Variants in PRR5L observed in about 807,000 individuals in gnomAD.
The protein encoded by PRR5L is proline-rich protein 5-like.
Under a neutral mutation model 36.4 loss-of-function variants are expected in PRR5L, and 21 were observed. That is an observed-to-expected ratio of 0.58 (90% CI 0.41 to 0.83). The LOEUF (loss-of-function observed/expected upper bound fraction) is 0.83. PRR5L is among the 40% of genes least tolerant of loss of function. The pLI is 0.00. For synonymous variants in PRR5L, 188 were observed against 197.0 expected, an observed-to-expected ratio of 0.95 and a Z score of 0.38; for missense variants, 381 against 473.3, an observed-to-expected ratio of 0.80 and a Z score of 1.81.
At chr11:36,438,505 C>G (rs532514440) in intron 6 of PRR5L, among the ~76,000 whole-genome samples, 1 of 152,142 alleles carries the variant, frequency 6.6e-6, no homozygotes, top group Non-Finnish European at 1.5e-5. Context: ...CCATGTTAGA[C>G]CCACCCCATA....
At chr11:36,372,883 T>C (rs939324608) in intron 1 of PRR5L, among the ~76,000 whole-genome samples, 2 of 152,188 alleles carry the variant, frequency 1.3e-5, no homozygotes, top group African/African-American at 2.4e-5. Context: ...CAATCTAATA[T>C]AGAACATTTA....
intron 1 of PRR5L, among the ~76,000 whole-genome samples, chr11:36,326,325 A>ACACACACG (rs1554984639): frequency 2.0e-4 from 31 of 151,924 alleles, no homozygotes; most frequent in Admixed American, 9.8e-4. Context: ...ACACACACAC[A>ACACACACG]CACACACACA....
chr11:36,416,652 C>T (rs1018431800), intron 3 of PRR5L, among the ~76,000 whole-genome samples: 1 of 152,168 alleles, frequency 6.6e-6, no homozygotes, highest in Admixed American at 6.5e-5. Flanking sequence ...GCATTGTCTG[C>T]TCTTTAGCTT....
intron 1 of PRR5L, among the ~76,000 whole-genome samples, chr11:36,395,164 C>T (rs1309882892): frequency 7.9e-5 from 12 of 152,162 alleles, no homozygotes; most frequent in Middle Eastern, 3.2e-3. Context: ...TCATTCTTTA[C>T]AGTAACCACA....
At chr11:36,441,856 T>G (rs1357073224) in intron 6 of PRR5L, among the ~76,000 whole-genome samples, 4 of 152,160 alleles carry the variant, frequency 2.6e-5, no homozygotes, top group Admixed American at 6.5e-5. Context: ...CCACCAAGGC[T>G]TATAGCTTGC....
chr11:36,448,012 G>A (rs978204384), intron 7 of PRR5L, among the ~76,000 whole-genome samples: 1 of 152,092 alleles, frequency 6.6e-6, no homozygotes, highest in African/African-American at 2.4e-5. Flanking sequence ...ATAGTTTAGG[G>A]CTGAGAAGCG....
chr11:36,418,385 G>A (rs1015670482), intron 3 of PRR5L, among the ~76,000 whole-genome samples: 3 of 152,162 alleles, frequency 2.0e-5, no homozygotes, highest in Non-Finnish European at 2.9e-5. Flanking sequence ...GAGAGACAGG[G>A]TGGAGTTATG....
chr11:36,440,595 C>T (rs1858700503), intron 6 of PRR5L, among the ~76,000 whole-genome samples: 1 of 151,988 alleles, frequency 6.6e-6, no homozygotes, highest in South Asian at 2.1e-4. Flanking sequence ...GGGAGCAGCG[C>T]CAAAGAGGAA....
intron 6 of PRR5L, among the ~76,000 whole-genome samples, chr11:36,439,408 A>G (rs331478): frequency 0.87 from 132,494 of 152,112 alleles, 57,808 homozygotes; most frequent in East Asian, 0.94. Flanking sequence ...GCTCTGTTTC[A>G]GTTCTCTTGG....
In PRR5L at chr11:36,344,539, AC is replaced by A. The variant is rs1453164733; in HGVS notation, c.-126+48102del. 6.6e-6 allele frequency among the ~76,000 whole-genome samples: 1 copy of A among 152,254 alleles called. No homozygotes were observed. The highest frequency in any genetic ancestry group is 1.5e-5 in the Non-Finnish European group (1 of 68,040). On this transcript the variant is annotated intron_variant, in intron 1 of 8. Transcript: ENST00000530639. The surrounding 1 kb of genome is among the most constrained non-coding windows in gnomAD (Gnocchi z 4.1). ...TGTACTTTTGCTATTGTCAATAACA[AC>A]AAAACGGCCATCTCTGAAGGTGATT...
chr11:36,410,514 A>T (rs892040619), intron 3 of PRR5L, among the ~76,000 whole-genome samples: 5 of 152,176 alleles, frequency 3.3e-5, no homozygotes, highest in Admixed American at 6.5e-5. Context: ...CATCGATCTT[A>T]TCTGCAAAAT....
intron 1 of PRR5L, among the ~76,000 whole-genome samples, chr11:36,373,689 T>C (rs1465837237): frequency 2.6e-5 from 4 of 152,224 alleles, no homozygotes; most frequent in African/African-American, 9.6e-5. Flanking sequence ...TAAACTTCCC[T>C]TTCAGTCCTT....
intron 1 of PRR5L, among the ~76,000 whole-genome samples, chr11:36,352,145 T>C (rs1856982284): frequency 1.3e-5 from 2 of 152,122 alleles, no homozygotes; most frequent in Admixed American, 6.6e-5. Context: ...GGTGGTATGG[T>C]ATTGTGGTTT....
chr11:36,376,170 G>A (rs1857254933), intron 1 of PRR5L: 1 of 1,304,838 alleles, frequency 7.7e-7, no homozygotes, highest in African/African-American at 1.5e-5. Flanking sequence ...TAAGTGCAGG[G>A]CCCCCCTCTC....
At chr11:36,341,508 C>T (rs1165638583) in intron 1 of PRR5L, among the ~76,000 whole-genome samples, 2 of 152,104 alleles carry the variant, frequency 1.3e-5, no homozygotes, top group African/African-American at 4.8e-5. Context: ...GAGTGAAGAA[C>T]ACAGGCTTCA....
intron 1 of PRR5L, among the ~76,000 whole-genome samples, chr11:36,353,760 G>C (rs1389315225): frequency 1.3e-5 from 2 of 152,170 alleles, no homozygotes; most frequent in Non-Finnish European, 1.5e-5. Flanking sequence ...TCTGACAGGA[G>C]GTGGAGCTCA....
At chr11:36,352,737 C>G (rs914443399) in intron 1 of PRR5L, among the ~76,000 whole-genome samples, 1 of 152,170 alleles carries the variant, frequency 6.6e-6, no homozygotes, top group Admixed American at 6.5e-5. Context: ...GCTTAGACAT[C>G]CCTGGCCCTC....
At chr11:36,424,888 C>T (rs1240368087) in intron 4 of PRR5L, among the ~76,000 whole-genome samples, 1 of 151,932 alleles carries the variant, frequency 6.6e-6, no homozygotes, top group Non-Finnish European at 1.5e-5. Context: ...ATGGCACGAT[C>T]TTGGCTCAAT....
At chr11:36,368,795 A>G (rs442572) in intron 1 of PRR5L, among the ~76,000 whole-genome samples, 188 of 152,278 alleles carry the variant, frequency 1.2e-3, no homozygotes, top group African/African-American at 4.2e-3. Context: ...AAATATAGTT[A>G]TTTTCCATAA....
Sources: allele counts gnomAD v4.1 joint callset (sites outside exome capture counted in the v4.1 genomes callset), GRCh38; gene constraint gnomAD v4.1.1; non-coding constraint Gnocchi (gnomAD v3.1); transcripts MANE v1.5; gene names NCBI Gene and HGNC (gene_info 2026-07-23, HGNC 2026-07-21).